Variants in SHOC1 observed in about 807,000 individuals in gnomAD.
The protein encoded by SHOC1 is protein shortage in chiasmata 1 ortholog.
SHOC1 carries 136 observed loss-of-function variants against 179.2 expected under a neutral mutation model. The ratio of observed to expected loss-of-function variants is 0.76; its 90% CI spans 0.66 to 0.87. The LOEUF (loss-of-function observed/expected upper bound fraction) is 0.87, where lower values mean the gene tolerates loss of function less well. SHOC1 is among the 40% of genes least tolerant of loss of function. SHOC1 has a pLI of 0.00. For synonymous variants in SHOC1, 489 were observed against 586.6 expected, an observed-to-expected ratio of 0.83 and a Z score of 2.41; for missense variants, 1,538 against 1,700.8, an observed-to-expected ratio of 0.90 and a Z score of 1.68.
intron 19 of SHOC1, among the ~76,000 whole-genome samples, 197 bp downstream of exon 19, chr9:111,707,658 G>A (rs1362023416): frequency 6.6e-6 from 1 of 151,926 alleles, no homozygotes; most frequent in Non-Finnish European, 1.5e-5. Context: ...TTACATTTCT[G>A]GACGCCAATA....
chr9:111,714,382 T>G, intron 17 of SHOC1, 63 bp downstream of exon 17: 1 of 1,551,436 alleles, frequency 6.4e-7, no homozygotes. Flanking sequence ...AATGCAAAAA[T>G]GTATCTTACA....
chr9:111,755,902 C>A (rs1352362637), intron 8 of SHOC1, among the ~76,000 whole-genome samples: 1 of 152,120 alleles, frequency 6.6e-6, no homozygotes, highest in Non-Finnish European at 1.5e-5. Flanking sequence ...GCGGGCAGAT[C>A]ACCTGAGGTC....
intron 24 of SHOC1, 73 bp downstream of exon 24, chr9:111,699,881 T>C (rs1361427296): frequency 2.7e-5 from 23 of 839,666 alleles, no homozygotes; most frequent in Non-Finnish European, 3.8e-5. Context: ...TTTTTTCTCA[T>C]TGGGCACTTA....
chr9:111,720,616 C>T (rs1832991328), intron 15 of SHOC1, among the ~76,000 whole-genome samples: 1 of 152,176 alleles, frequency 6.6e-6, no homozygotes, highest in South Asian at 2.1e-4. Context: ...TGTTCCACAG[C>T]CTACTGATGC....
Position 111,748,114 on chromosome 9 carries a change from T to C in SHOC1, c.948A>G (p.Glu316=). The C allele has an allele frequency of 6.2e-7, 1 of 1,613,570 alleles. No individual in the cohort carries two copies. The highest frequency in any genetic ancestry group is 8.5e-7 in the Non-Finnish European group (1 of 1,179,618). Residue 316 remains glutamate (E), a synonymous_variant, in exon 9 of 28, where the codon GAA becomes GAG. Transcript: ENST00000682961. ...TACCTGGTTTACTGCACTCTTCTGGTTCACTCTGGCTTTGAATGGTCAAAA... is the reference window on the plus strand; with the variant it reads ...TACCTGGTTTACTGCACTCTTCTGGCTCACTCTGGCTTTGAATGGTCAAAA... ...TEILTIQSQS[E]PEECSKPGEL... is the part of the protein sequence containing the mutation.
rs1445879051 is a variant in SHOC1, at chr9:111,691,581, A to G, written c.4396T>C (p.Phe1466Leu). The G allele has an allele frequency of 6.2e-7, 1 of 1,613,254 alleles. No homozygotes were observed. Among genetic ancestry groups the G allele is most frequent in the Admixed American group, 1.7e-5 (1 of 59,878 alleles). Residue 1466 changes from phenylalanine to leucine, a missense_variant, in exon 27 of 28, where the codon TTT (phenylalanine) becomes CTT (leucine). Transcript: ENST00000682961. Reference sequence around the variant, plus strand: ...AATGATTCCTTGTCTCCTGAGTTAAATGAAGATTCATGGTGCCTTTTCTGT... The same window carrying G: ...AATGATTCCTTGTCTCCTGAGTTAAGTGAAGATTCATGGTGCCTTTTCTGT... ...LGQKRHHESS[F>L]NSGDKESLTG...
intron 8 of SHOC1, among the ~76,000 whole-genome samples, chr9:111,752,464 C>T (rs577295637): frequency 5.3e-5 from 8 of 152,260 alleles, no homozygotes; most frequent in Non-Finnish European, 7.4e-5. Context: ...CAGAGAAAGT[C>T]GACTCTCTTC....
At chr9:111,751,367 T>C (rs767417590) in intron 8 of SHOC1, among the ~76,000 whole-genome samples, 3 of 152,130 alleles carry the variant, frequency 2.0e-5, no homozygotes, top group Non-Finnish European at 4.4e-5. Flanking sequence ...CTGTTGTTGG[T>C]GTATAGGAAT....
intron 5 of SHOC1, chr9:111,759,446 T>C: frequency 2.3e-6 from 3 of 1,291,162 alleles, no homozygotes; most frequent in Non-Finnish European, 2.9e-6. Flanking sequence ...GAAACACTAC[T>C]GCTAACAGTT....
intron 12 of SHOC1, among the ~76,000 whole-genome samples, chr9:111,734,485 T>C: frequency 6.6e-6 from 1 of 152,254 alleles, no homozygotes; most frequent in Non-Finnish European, 1.5e-5. Flanking sequence ...TTGCTTGATA[T>C]TGTCTGTTTA....
intron 18 of SHOC1, 128 bp from the exon 19 acceptor site, chr9:111,708,052 T>C: frequency 4.0e-6 from 2 of 500,636 alleles, no homozygotes; most frequent in Non-Finnish European, 6.8e-6. Context: ...AAATACAATT[T>C]GCTAGATTAT....
chr9:111,747,592 G>A (rs1384237133), intron 9 of SHOC1, among the ~76,000 whole-genome samples: 1 of 151,592 alleles, frequency 6.6e-6, no homozygotes, highest in Non-Finnish European at 1.5e-5. Flanking sequence ...GGGTTTTTTT[G>A]TTTGTTTTGA....
Position 111,727,968 on chromosome 9 carries a change from T to C in SHOC1, c.1499A>G (p.Gln500Arg), listed in dbSNP as rs1266069096. ...TTCTTTTGCCAGAGATGGACTCTTT[T>C]GTGGAAGTGATAAATGAGCATTTGT... Reference protein sequence around the residue: ...KSTNAHLSLPQKSPSLAKEVP... With the variant: ...KSTNAHLSLPRKSPSLAKEVP... The change falls in exon 13 of 28, where the codon CAA becomes CGA. Residue 500 changes from glutamine (Q) to arginine (R), a missense_variant. Coordinates refer to ENST00000682961, the MANE Select transcript of SHOC1 (RefSeq NM_001378211.1). 1.2e-6 allele frequency: 2 copies of C among 1,612,294 alleles called. No homozygotes were observed. Among genetic ancestry groups the C allele is most frequent in the Admixed American group, 3.3e-5 (2 of 59,744 alleles).
intron 5 of SHOC1, 112 bp downstream of exon 5, chr9:111,775,679 G>C: frequency 1.3e-6 from 1 of 762,872 alleles, no homozygotes; most frequent in Non-Finnish European, 2.0e-6. Flanking sequence ...GAGTTATGCA[G>C]GTGGATCTTT....
chr9:111,755,298 T>C (rs1303606358), intron 8 of SHOC1, among the ~76,000 whole-genome samples: 1 of 152,222 alleles, frequency 6.6e-6, no homozygotes, highest in Non-Finnish European at 1.5e-5. Flanking sequence ...GGATTTGATC[T>C]ACTTTCCCAG....
At position 111,692,038 on chromosome 9, in the gene SHOC1, A is replaced by T. The variant is rs1831463544; in HGVS notation, c.3939T>A (p.Thr1313=). The T allele has an allele frequency of 3.7e-6, 6 of 1,613,524 alleles. No homozygotes were observed. The highest frequency in any genetic ancestry group is 4.5e-5 in the East Asian group (2 of 44,866). ...GGGGGACAACTGACACTCTCTTCTG[A>T]GTGTCAGTTGGTGATTTTATAGTTT... The part of the protein sequence containing the change: ...NCETIKSPTD[T]QKRVSVVPRF... The change falls in exon 27 of 28, where the codon ACT becomes ACA. Residue 1313 remains threonine (T), a synonymous_variant. Transcript: ENST00000682961.
chr9:111,694,484 A>G (rs1831601305), intron 24 of SHOC1, 122 bp from the exon 25 acceptor site: 1 of 669,118 alleles, frequency 1.5e-6, no homozygotes, highest in Non-Finnish European at 2.4e-6. Flanking sequence ...AATTTTAGAT[A>G]GAAACTATTG....
intron 13 of SHOC1, among the ~76,000 whole-genome samples, chr9:111,726,359 T>C (rs1287972799): frequency 6.6e-6 from 1 of 152,194 alleles, no homozygotes; most frequent in Non-Finnish European, 1.5e-5. Flanking sequence ...CACCATAACC[T>C]CAAACTCCTG....
In SHOC1 at chr9:111,781,031, T is replaced by C. The variant is rs375051770; in HGVS notation, c.170-14A>G. ...AAACAGCTGAGACTAGAAAGGATAATAGTTAACATTAATGTCTAGAATTTT... is the reference window on the plus strand; with the variant it reads ...AAACAGCTGAGACTAGAAAGGATAACAGTTAACATTAATGTCTAGAATTTT... On this transcript the variant is annotated splice_polypyrimidine_tract_variant and intron_variant, in intron 3 of 27. Coordinates refer to ENST00000682961, the MANE Select transcript of SHOC1 (RefSeq NM_001378211.1). 2.8e-4 allele frequency: 444 copies of C among 1,578,814 alleles called. No homozygotes were observed. Among genetic ancestry groups the C allele is most frequent in the Middle Eastern group, 1.5e-3 (9 of 6,016 alleles).
Sources: gnomAD v4.1 joint callset for allele counts (sites outside exome capture counted in the v4.1 genomes callset) on GRCh38, gnomAD v4.1.1 for gene constraint, MANE v1.5 for transcripts, NCBI Gene and HGNC (gene_info 2026-07-23, HGNC 2026-07-21) for gene names.